Variants in PLPP4 observed in about 807,000 individuals in gnomAD.
The protein encoded by PLPP4 is diacylglycerol pyrophosphate like 2.
In PLPP4, 20 loss-of-function variants were observed where a neutral mutation model predicts 32.2. The ratio of observed to expected loss-of-function variants is 0.62; its 90% CI spans 0.44 to 0.90. The LOEUF is 0.90. Ranked by LOEUF, PLPP4 falls within the 40% of genes least tolerant of loss-of-function variation. The probability of loss-of-function intolerance (pLI) is 0.00; values close to 1 mark genes in which losing one functional copy is unlikely to be tolerated. For missense variants in PLPP4, 257 were observed against 353.1 expected (o/e 0.73, Z 2.18); for synonymous variants, 127 against 133.0 (o/e 0.95, Z 0.31).
Position 120,490,642 on chromosome 10 carries a change from G to C in PLPP4, c.57-13176G>C, listed in dbSNP as rs570309885. ...TCCTCTCACCTGCCAGACCATTCTA[G>C]AACACAGCCTTGTTCCTCCATGGGG... On this transcript the variant is annotated intron_variant, in intron 1 of 6. Transcript: ENST00000398250. Among the ~76,000 whole-genome samples the C allele has an allele frequency of 2.7e-4, 41 of 152,312 alleles. No homozygotes were observed. In the South Asian group the frequency reaches 8.3e-3, roughly 31 times the overall value.
chr10:120,518,829 G>T lies in PLPP4; in HGVS notation c.257-4G>T. On this transcript the variant is annotated splice_polypyrimidine_tract_variant and splice_region_variant and intron_variant, in intron 3 of 6. Coordinates refer to ENST00000398250, the MANE Select transcript of PLPP4 (RefSeq NM_001030059.3). ...TTTTTCTGTCTGTTGGTTTTGTTTT[G>T]TAGCGGTGTCCTTGGCTCTTGCTTT... 1.2e-6 allele frequency: 2 copies of T among 1,610,976 alleles called. No individual in the cohort carries two copies. Among genetic ancestry groups the T allele is most frequent in the South Asian group, 2.2e-5 (2 of 90,194 alleles).
At chr10:120,587,281 CAGG>C (rs1181088115) in intron 6 of PLPP4, 2 of 152,178 alleles carry the variant, frequency 1.3e-5, no homozygotes, top group Non-Finnish European at 2.9e-5. Flanking sequence ...GTCAGCCAAG[CAGG>C]AGAATGGCTG....
rs1849984414 is a variant in PLPP4, at chr10:120,591,269, G to T, written c.*1767G>T. On this transcript the variant is annotated 3_prime_UTR_variant, in exon 7 of 7. Transcript: ENST00000398250. ...CACTGACTATGCTCCATGAGCCCCA[G>T]TGCAGCCCTCTCCAGCCCTGGTCCT... Among the ~76,000 whole-genome samples the T allele has an allele frequency of 6.6e-6, 1 of 152,160 alleles. No homozygotes were observed. Among genetic ancestry groups the T allele is most frequent in the Admixed American group, 6.5e-5 (1 of 15,280 alleles).
At chr10:120,459,264 A>G (rs1019990762) in intron 1 of PLPP4, among the ~76,000 whole-genome samples, 1 of 152,122 alleles carries the variant, frequency 6.6e-6, no homozygotes, top group African/African-American at 2.4e-5. Flanking sequence ...CATTGATAGC[A>G]TTTTTGGATG....
intron 5 of PLPP4, among the ~76,000 whole-genome samples, chr10:120,536,898 A>G (rs1208478412): frequency 2.0e-5 from 3 of 152,168 alleles, no homozygotes; most frequent in Admixed American, 6.5e-5. Context: ...AAAGACCTGA[A>G]TAGACATTGT....
intron 2 of PLPP4, among the ~76,000 whole-genome samples, chr10:120,508,816 C>T (rs961013119): frequency 1.3e-5 from 2 of 152,206 alleles, no homozygotes; most frequent in African/African-American, 4.8e-5. Context: ...TCTAAGGGTG[C>T]AGGTGGGCTT....
At chr10:120,525,968 C>T (rs1253801406) in intron 5 of PLPP4, among the ~76,000 whole-genome samples, 1 of 152,046 alleles carries the variant, frequency 6.6e-6, no homozygotes, top group African/African-American at 2.4e-5. Context: ...TCATGTGCCT[C>T]ACCTTTGTAT....
chr10:120,528,413 G>C (rs1374040249), intron 5 of PLPP4, among the ~76,000 whole-genome samples: 1 of 152,118 alleles, frequency 6.6e-6, no homozygotes, highest in East Asian at 1.9e-4. Context: ...AAAATGGCAT[G>C]GGCTGCTTAG....
At chr10:120,498,654 C>CTTTTTTTTTTTTTTTTTTT (rs11287636) in intron 1 of PLPP4, among the ~76,000 whole-genome samples, 1 of 143,412 alleles carries the variant, frequency 7.0e-6, no homozygotes. Flanking sequence ...CTCTTCTATT[C>CTTTTTTTTTTTTTTTTTTT]TTTTTTTTTT....
At chr10:120,515,184 AG>A (rs1224009929) in intron 3 of PLPP4, among the ~76,000 whole-genome samples, 7 of 152,172 alleles carry the variant, frequency 4.6e-5, no homozygotes, top group African/African-American at 1.7e-4. Context: ...GGCTCTGATA[AG>A]CAATCTCACA....
chr10:120,508,090 A>G (rs1020831443), intron 2 of PLPP4, among the ~76,000 whole-genome samples: 1 of 152,128 alleles, frequency 6.6e-6, no homozygotes, highest in African/African-American at 2.4e-5. Context: ...ATTCTCATAG[A>G]CTATTACTGA....
At chr10:120,552,209 ATGT>A (rs1441705109) in intron 5 of PLPP4, among the ~76,000 whole-genome samples, 2 of 68,954 alleles carry the variant, frequency 2.9e-5, no homozygotes, top group African/African-American at 9.2e-5. Context: ...TGTGTGTGTG[ATGT>A]TATGTTTTGT....
At chr10:120,522,095 A>G (rs1008794025) in intron 5 of PLPP4, among the ~76,000 whole-genome samples, 10 of 152,164 alleles carry the variant, frequency 6.6e-5, no homozygotes, top group Non-Finnish European at 1.5e-4. Context: ...TTGGAGAACT[A>G]TGGTCACAGG....
In PLPP4 at chr10:120,589,373, G is replaced by A; in HGVS notation, c.687G>A (p.Leu229=). 6.2e-7 allele frequency: 1 copy of A among 1,614,080 alleles called. No individual in the cohort carries two copies. The highest frequency in any genetic ancestry group is 8.5e-7 in the Non-Finnish European group (1 of 1,180,018). The change falls in exon 7 of 7, where the codon CTG becomes CTA. Residue 229 remains leucine (L), a synonymous_variant. Coordinates refer to ENST00000398250, the MANE Select transcript of PLPP4 (RefSeq NM_001030059.3). ...GCTACAGACAGCACTATCCTCCTCT[G>A]GCCAACACAGCTTGCCATAAACCCT... ...YICYRQHYPP[L]ANTACHKPYV...
At position 120,589,370 on chromosome 10, in the gene PLPP4, T is replaced by C; in HGVS notation, c.684T>C (p.Pro228=). 1 of 1,614,206 alleles carries C rather than the reference T, an allele frequency of 6.2e-7. No individual in the cohort carries two copies. The highest frequency in any genetic ancestry group is 1.1e-5 in the South Asian group (1 of 91,088). The change falls in exon 7 of 7, where the codon CCT becomes CCC. Residue 228 remains proline (P), a synonymous_variant. Coordinates refer to ENST00000398250, the MANE Select transcript of PLPP4 (RefSeq NM_001030059.3). ...AYICYRQHYP[P]LANTACHKPY... ...TTTGCTACAGACAGCACTATCCTCC[T>C]CTGGCCAACACAGCTTGCCATAAAC...
chr10:120,553,622 A>T (rs10736292), intron 5 of PLPP4, among the ~76,000 whole-genome samples: 56,671 of 151,892 alleles, frequency 0.37, 10,601 homozygotes, highest in East Asian at 0.55. Flanking sequence ...ATGGCAAAGT[A>T]CATATCTTGA....
intron 6 of PLPP4, among the ~76,000 whole-genome samples, chr10:120,586,917 T>C (rs1483752540): frequency 1.3e-5 from 2 of 151,954 alleles, no homozygotes; most frequent in Non-Finnish European, 2.9e-5. Context: ...GAAATATGAA[T>C]AGAAATGACA....
intron 5 of PLPP4, among the ~76,000 whole-genome samples, chr10:120,542,721 G>T (rs1275788077): frequency 1.3e-5 from 2 of 152,206 alleles, no homozygotes. Context: ...AGGCGCTGCT[G>T]AGTAATTACG....
intron 1 of PLPP4, among the ~76,000 whole-genome samples, chr10:120,476,091 C>T (rs1304265824): frequency 6.6e-6 from 1 of 152,128 alleles, no homozygotes; most frequent in Non-Finnish European, 1.5e-5. Flanking sequence ...ACAGCAGGGG[C>T]CTTGGAGATC....
Sources: gnomAD v4.1 joint callset for allele counts (sites outside exome capture counted in the v4.1 genomes callset) on GRCh38, gnomAD v4.1.1 for gene constraint, MANE v1.5 for transcripts, NCBI Gene and HGNC (gene_info 2026-07-23, HGNC 2026-07-21) for gene names.